SLC24A3: variants seen among roughly 807,000 people sequenced by gnomAD.
The protein encoded by SLC24A3 is sodium/potassium/calcium exchanger 3.
SLC24A3 carries 28 observed loss-of-function variants against 75.8 expected under a neutral mutation model. That is an observed-to-expected ratio of 0.37 (90% CI 0.27 to 0.51). The LOEUF (loss-of-function observed/expected upper bound fraction) is 0.51. Among genes scored for constraint, SLC24A3 ranks in the 20% least tolerant of loss-of-function variants. The pLI is 0.94. For synonymous variants in SLC24A3, 372 were observed against 334.1 expected, an observed-to-expected ratio of 1.11 and a Z score of -1.24; for missense variants, 663 against 847.8, an observed-to-expected ratio of 0.78 and a Z score of 2.71.
chr20:19,366,759 G>A (rs1985899378), intron 2 of SLC24A3, among the ~76,000 whole-genome samples: 2 of 152,192 alleles, frequency 1.3e-5, no homozygotes, highest in Admixed American at 6.5e-5. Flanking sequence ...TGAGGGGAGT[G>A]TGTCAACTTG....
At chr20:19,254,657 A>G (rs149123995) in intron 1 of SLC24A3, among the ~76,000 whole-genome samples, 91 of 152,328 alleles carry the variant, frequency 6.0e-4, no homozygotes, top group African/African-American at 2.2e-3. Context: ...AGTGTGGGAA[A>G]TCTGGTCAGG....
chr20:19,270,974 G>A (rs1003449379), intron 1 of SLC24A3, among the ~76,000 whole-genome samples: 4 of 152,184 alleles, frequency 2.6e-5, no homozygotes, highest in African/African-American at 9.7e-5. Flanking sequence ...TCCAGCAAGG[G>A]CCAGAGGAAG....
intron 2 of SLC24A3, among the ~76,000 whole-genome samples, chr20:19,435,518 T>A (rs746296554): frequency 3.3e-5 from 5 of 152,236 alleles, no homozygotes; most frequent in Admixed American, 6.5e-5. Flanking sequence ...CAGAATGATC[T>A]ACTTGGCTAG....
intron 2 of SLC24A3, among the ~76,000 whole-genome samples, chr20:19,497,604 G>A (rs945239261): frequency 2.0e-5 from 3 of 152,014 alleles, no homozygotes; most frequent in African/African-American, 4.8e-5. Flanking sequence ...GGGGAGAAAC[G>A]TGAACTAAAC....
intron 2 of SLC24A3, among the ~76,000 whole-genome samples, chr20:19,304,642 A>G (rs1174973911): frequency 6.6e-6 from 1 of 152,192 alleles, no homozygotes; most frequent in Non-Finnish European, 1.5e-5. Context: ...AGCTGTGGTT[A>G]GGTTAATTTT....
chr20:19,511,516 A>T (rs1003354986), intron 2 of SLC24A3, among the ~76,000 whole-genome samples: 1 of 151,740 alleles, frequency 6.6e-6, no homozygotes, highest in South Asian at 2.1e-4. Flanking sequence ...TTTAGTAGAG[A>T]CAGGGTTTCA....
At chr20:19,550,658 C>A (rs1309261729) in intron 3 of SLC24A3, among the ~76,000 whole-genome samples, 1 of 152,150 alleles carries the variant, frequency 6.6e-6, no homozygotes, top group Non-Finnish European at 1.5e-5. Flanking sequence ...AGATATTTTC[C>A]TTTTGCCTTT....
chr20:19,562,578 G>C (rs535987293), intron 3 of SLC24A3, among the ~76,000 whole-genome samples: 1 of 152,204 alleles, frequency 6.6e-6, no homozygotes, highest in East Asian at 1.9e-4. Context: ...TTAATGGGTT[G>C]TCATTGAAGC....
chr20:19,678,122 C>A (rs1044874437), intron 9 of SLC24A3, among the ~76,000 whole-genome samples: 1 of 150,270 alleles, frequency 6.7e-6, no homozygotes, highest in African/African-American at 2.5e-5. Flanking sequence ...TACACAGACA[C>A]GGCAACCATT....
At chr20:19,412,122 A>C (rs1986753052) in intron 2 of SLC24A3, among the ~76,000 whole-genome samples, 1 of 152,176 alleles carries the variant, frequency 6.6e-6, no homozygotes, top group African/African-American at 2.4e-5. Flanking sequence ...AACTCCAGTA[A>C]TTCTAGGAAT....
intron 9 of SLC24A3, 23 bp downstream of exon 9, chr20:19,673,677 T>C: frequency 3.1e-6 from 5 of 1,594,456 alleles, no homozygotes; most frequent in Non-Finnish European, 4.3e-6. Context: ...TTTCATTTCT[T>C]ATCCAAAACT....
chr20:19,684,119 C>A, intron 10 of SLC24A3, 57 bp from the exon 11 acceptor site: 2 of 1,564,512 alleles, frequency 1.3e-6, no homozygotes, highest in Non-Finnish European at 1.7e-6. Flanking sequence ...TAAATGAATG[C>A]CTCTTTCCTG....
chr20:19,302,507 C>A (rs1170190438), intron 2 of SLC24A3, among the ~76,000 whole-genome samples: 2 of 152,158 alleles, frequency 1.3e-5, no homozygotes, highest in Non-Finnish European at 2.9e-5. Flanking sequence ...TGCTTCTAAT[C>A]TTTTTCCATT....
intron 6 of SLC24A3, among the ~76,000 whole-genome samples, chr20:19,605,654 A>C (rs1295528441): frequency 6.6e-6 from 1 of 152,136 alleles, no homozygotes; most frequent in Non-Finnish European, 1.5e-5. Context: ...CTACCCATTG[A>C]GTCTCTGTTT....
chr20:19,431,365 A>G (rs1987099897), intron 2 of SLC24A3, among the ~76,000 whole-genome samples: 1 of 152,122 alleles, frequency 6.6e-6, no homozygotes, highest in African/African-American at 2.4e-5. Flanking sequence ...GAGAGAGGGA[A>G]GCAAGGTTGT....
intron 2 of SLC24A3, 34 bp downstream of exon 2, chr20:19,281,121 T>C (rs1339516353): frequency 3.7e-6 from 6 of 1,611,652 alleles, no homozygotes; most frequent in Non-Finnish European, 5.1e-6. Flanking sequence ...GCAGCAGCTG[T>C]CATTTTCTCT....
At chr20:19,713,169 G>A (rs1252394289) in intron 15 of SLC24A3, among the ~76,000 whole-genome samples, 1 of 152,216 alleles carries the variant, frequency 6.6e-6, no homozygotes, top group African/African-American at 2.4e-5. Context: ...ATGCAGGCAG[G>A]AGTGCTGAGG....
At chr20:19,705,793 T>A (rs1304074532) in intron 15 of SLC24A3, among the ~76,000 whole-genome samples, 1 of 152,198 alleles carries the variant, frequency 6.6e-6, no homozygotes, top group Non-Finnish European at 1.5e-5. Flanking sequence ...GGCATTAGGT[T>A]TAAGCATTTG....
chr20:19,464,360 A>G (rs934761588), intron 2 of SLC24A3, among the ~76,000 whole-genome samples: 1 of 151,650 alleles, frequency 6.6e-6, no homozygotes, highest in African/African-American at 2.4e-5. Context: ...TAATGCATTC[A>G]TACCACACAC....
Sources: gnomAD v4.1 joint callset for allele counts (sites outside exome capture counted in the v4.1 genomes callset) on GRCh38, gnomAD v4.1.1 for gene constraint, MANE v1.5 for transcripts, NCBI Gene and HGNC (gene_info 2026-07-23, HGNC 2026-07-21) for gene names.